The following NOP9 variants were observed in gnomAD, a reference collection of about 807,000 sequenced individuals.
NOP9 encodes the protein NOP9 nucleolar protein, also known as nucleolar protein 9.
A neutral mutation model predicts 63.0 loss-of-function variants in NOP9; 50 were observed. The ratio of observed to expected loss-of-function variants is 0.79; its 90% CI spans 0.63 to 1.00. The LOEUF is 1.00. Among genes scored for constraint, NOP9 ranks in the 50% least tolerant of loss-of-function variants. NOP9 has a pLI of 0.00. For synonymous variants in NOP9, 343 were observed against 332.8 expected, an observed-to-expected ratio of 1.03 and a Z score of -0.33; for missense variants, 758 against 803.0, an observed-to-expected ratio of 0.94 and a Z score of 0.68.
the NOP9 span, among the ~76,000 whole-genome samples, chr14:24,271,996 CTCTT>C: frequency 6.6e-6 from 1 of 152,162 alleles, no homozygotes; most frequent in African/African-American, 2.4e-5. Context: ...CTCTGCCTCT[CTCTT>C]CTCATCTGTT....
the NOP9 span, among the ~76,000 whole-genome samples, chr14:24,277,247 A>G: frequency 1.3e-5 from 2 of 152,170 alleles, no homozygotes; most frequent in African/African-American, 2.4e-5. Flanking sequence ...TTGCATGAGA[A>G]GAGGAAGGGC....
the NOP9 span, among the ~76,000 whole-genome samples, chr14:24,273,089 C>T: frequency 6.6e-6 from 1 of 152,060 alleles, no homozygotes; most frequent in Non-Finnish European, 1.5e-5. Flanking sequence ...ACCACACGTA[C>T]ACGTGTGTGA....
chr14:24,279,879 A>G, the NOP9 span, among the ~76,000 whole-genome samples: 1 of 152,214 alleles, frequency 6.6e-6, no homozygotes, highest in Non-Finnish European at 1.5e-5. Context: ...TTCTATGTCA[A>G]GTGAGAAGCA....
At position 24,307,601 on chromosome 14, in the gene NOP9, G is replaced by A. The variant is rs2041557349; in HGVS notation, c.*2506G>A. 1.3e-6 allele frequency: 2 copies of A among 1,484,670 alleles called. No individual in the cohort carries two copies. Among genetic ancestry groups the A allele is most frequent in the African/African-American group, 1.4e-5 (1 of 72,092 alleles). The allele number at this position is 1,484,670 out of a possible 1,614,324, so 92.0% of individuals were successfully genotyped here. A position where few individuals can be genotyped will look rare whatever the true frequency, so the allele number is the denominator to read the frequency against. On this transcript the variant is annotated 3_prime_UTR_variant, in exon 10 of 10. Coordinates refer to ENST00000267425, the MANE Select transcript of NOP9 (RefSeq NM_174913.3). ...ATGATGAGGGTAGAGTGGCTAGAGG[G>A]CTAGGGAGGGAGAGATCTAGGTTTA...
In NOP9 at chr14:24,303,123, C is replaced by T. The variant is rs2041406481; in HGVS notation, c.1193C>T (p.Ala398Val). 1.2e-6 allele frequency: 2 copies of T among 1,609,024 alleles called. No homozygotes were observed. Among genetic ancestry groups the T allele is most frequent in the East Asian group, 4.5e-5 (2 of 44,792 alleles). The change falls in exon 6 of 10, where the codon GCC (alanine) becomes GTC (valine). Residue 398 changes from alanine to valine, a missense_variant. Coordinates refer to ENST00000267425, the MANE Select transcript of NOP9 (RefSeq NM_174913.3). ...ELSPVLEAVL[A>V]QGHPGVVIAL... The stretch of plus-strand genomic sequence containing the variant: ...AGCCCTGTCTTGGAAGCTGTATTGG[C>T]CCAGGGCCACCCAGGGGTAGTCATT...
the NOP9 span, chr14:24,292,098 G>C: frequency 6.5e-7 from 1 of 1,535,742 alleles, no homozygotes; most frequent in Non-Finnish European, 9.0e-7. Flanking sequence ...GTAAGCACCT[G>C]GTGAGTGGGA....
Position 24,300,187 on chromosome 14 carries a change from CTG to C in NOP9, c.234_235del (p.Glu80ArgfsTer28). 1.2e-6 allele frequency: 2 copies of C among 1,613,976 alleles called. No individual in the cohort carries two copies. The highest frequency in any genetic ancestry group is 1.7e-6 in the Non-Finnish European group (2 of 1,179,906). On this transcript the variant is annotated frameshift_variant, in exon 1 of 10. Transcript: ENST00000267425. LOFTEE classifies it high-confidence loss of function. Reference sequence around the variant, plus strand: ...TCAGCATTGAAAGAGGCTCCCGAGACTGGGGAAGAACGAGGTAGGCAGCAACT... The same window carrying C: ...TCAGCATTGAAAGAGGCTCCCGAGACGGGAAGAACGAGGTAGGCAGCAACT...
upstream of NOP9, among the ~76,000 whole-genome samples, chr14:24,295,165 G>A (rs1055558597): frequency 1.3e-5 from 2 of 151,966 alleles, no homozygotes; most frequent in African/African-American, 2.4e-5. Context: ...AATAGAATAC[G>A]TACAAGTATT....
the NOP9 span, among the ~76,000 whole-genome samples, chr14:24,285,245 C>T: frequency 6.6e-5 from 10 of 152,276 alleles, no homozygotes; most frequent in South Asian, 4.1e-4. Context: ...TGGGCCAGGC[C>T]GCTCAGGCTG....
the NOP9 span, chr14:24,291,720 C>T: frequency 4.5e-6 from 6 of 1,323,952 alleles, no homozygotes; most frequent in Middle Eastern, 1.8e-4. Flanking sequence ...AGAAAAAGAC[C>T]AAAGACCAAA....
Position 24,306,912 on chromosome 14 carries a change from G to C in NOP9, c.*1817G>C. 1 of 289,322 alleles carries C rather than the reference G, an allele frequency of 3.5e-6. No individual in the cohort carries two copies. Among genetic ancestry groups the C allele is most frequent in the Non-Finnish European group, 6.7e-6 (1 of 150,304 alleles). 17.9% of individuals were successfully genotyped at this position (289,322 alleles called of 1,614,324 possible). The stretch of plus-strand genomic sequence containing the variant: ...TTCAGTAATAGTGTTTAACCTTTTT[G>C]AGTCCTTACTCTGTGCCAGGTATGA... On this transcript the variant is annotated 3_prime_UTR_variant, in exon 10 of 10. Transcript: ENST00000267425.
chr14:24,292,853 C>T, the NOP9 span: 452 of 1,532,688 alleles, frequency 2.9e-4, 2 homozygotes, highest in East Asian at 8.7e-3. Context: ...CAGCCTCTGG[C>T]GGCTTCCCCT....
the NOP9 span, among the ~76,000 whole-genome samples, chr14:24,272,316 GAT>G: frequency 6.6e-6 from 1 of 152,194 alleles, no homozygotes; most frequent in African/African-American, 2.4e-5. Context: ...ACACCTGTTG[GAT>G]ATCACCTGGT....
At position 24,301,858 on chromosome 14, in the gene NOP9, AGTCCCTTTGT is replaced by A. The variant is rs1413333903; in HGVS notation, c.809-102_809-93del. 3 of 1,444,838 alleles carry A rather than the reference AGTCCCTTTGT, an allele frequency of 2.1e-6. No homozygotes were observed. The African/African-American group carries it at 4.2e-5, about 20-fold the overall frequency. The allele number at this position is 1,444,838 out of a possible 1,614,324, so 89.5% of individuals were successfully genotyped here. A position where few individuals can be genotyped will look rare whatever the true frequency, so the allele number is the denominator to read the frequency against. On this transcript the variant is annotated intron_variant, in intron 3 of 9. Transcript: ENST00000267425. ...GTTTGACGTTCAGAGCACTTTGTAT[AGTCCCTTTGT>A]GTCCATAGTGCCCTGTATCTTGTTG...
upstream of NOP9, chr14:24,296,775 A>G (rs143496691): frequency 1.3e-5 from 21 of 1,614,220 alleles, no homozygotes; most frequent in Non-Finnish European, 1.8e-5. Context: ...CAGCACATCT[A>G]GACGCCCTTG....
At chr14:24,275,410 C>A in the NOP9 span, among the ~76,000 whole-genome samples, 4 of 152,302 alleles carry the variant, frequency 2.6e-5, no homozygotes, top group South Asian at 8.3e-4. Context: ...AGTTTCTTGT[C>A]CAAAGTCACA....
In NOP9 at chr14:24,300,456, C is replaced by T. The variant is rs1016735269; in HGVS notation, c.296C>T (p.Ala99Val). 7.4e-6 allele frequency: 12 copies of T among 1,614,034 alleles called. No individual in the cohort carries two copies. Among genetic ancestry groups the T allele is most frequent in the African/African-American group, 5.3e-5 (4 of 74,926 alleles). ...IMKEVETQAL[A>V]LSTNRTGSEM... ...AAGGAAGTAGAGACTCAGGCCCTAG[C>T]TTTGTCCACGAACAGGACTGGCAGT... Residue 99 changes from alanine (A) to valine (V), a missense_variant, in exon 2 of 10, where the codon GCT becomes GTT. Coordinates refer to ENST00000267425, the MANE Select transcript of NOP9 (RefSeq NM_174913.3).
the NOP9 span, among the ~76,000 whole-genome samples, chr14:24,278,945 C>A: frequency 6.6e-6 from 1 of 152,248 alleles, no homozygotes; most frequent in African/African-American, 2.4e-5. Context: ...ATTCAAGGGG[C>A]AGATGATAAT....
rs1566418303 is a variant in NOP9, at chr14:24,307,501, A to T, written c.*2406A>T. 1 of 1,613,916 alleles carries T rather than the reference A, an allele frequency of 6.2e-7. No homozygotes were observed. Among genetic ancestry groups the T allele is most frequent in the African/African-American group, 1.3e-5 (1 of 75,020 alleles). ...GACCCTCCGTCCAAACTCCGAGCTT[A>T]TATTAGATACTGACCTGGTAGTTGA... On this transcript the variant is annotated 3_prime_UTR_variant, in exon 10 of 10. Coordinates refer to ENST00000267425, the MANE Select transcript of NOP9 (RefSeq NM_174913.3).
Sources: gnomAD v4.1 joint callset for allele counts (sites outside exome capture counted in the v4.1 genomes callset) on GRCh38, gnomAD v4.1.1 for gene constraint, MANE v1.5 for transcripts, NCBI Gene and HGNC (gene_info 2026-07-23, HGNC 2026-07-21) for gene names.